PARP12: variants seen among roughly 807,000 people sequenced by gnomAD.
The protein encoded by PARP12 is protein mono-ADP-ribosyltransferase PARP12.
Under a neutral mutation model 72.4 loss-of-function variants are expected in PARP12, and 59 were observed. The observed-to-expected ratio is 0.81, with a 90% CI of 0.66 to 1.01. The LOEUF (loss-of-function observed/expected upper bound fraction) is 1.01, where lower values mean the gene tolerates loss of function less well. PARP12 is among the 50% of genes least tolerant of loss of function. The pLI, the probability that PARP12 is intolerant of heterozygous loss-of-function variation, is 0.00. For missense variants in PARP12, 851 were observed against 914.0 expected, an observed-to-expected ratio of 0.93 and a Z score of 0.89; for synonymous variants, 403 against 371.4, an observed-to-expected ratio of 1.09 and a Z score of -0.98.
intron 1 of PARP12, among the ~76,000 whole-genome samples, chr7:140,058,651 G>C (rs370983820): frequency 3.3e-5 from 5 of 152,288 alleles, no homozygotes; most frequent in African/African-American, 1.2e-4. Context: ...CTAGCCTCCA[G>C]AACTGTGACA....
rs369328541 is a variant in PARP12, at chr7:140,037,776, G to A, written c.1263C>T (p.Asp421=). 28 of 1,614,070 alleles carry A rather than the reference G, an allele frequency of 1.7e-5. No individual in the cohort carries two copies. Among genetic ancestry groups the A allele is most frequent in the African/African-American group, 8.0e-5 (6 of 74,940 alleles). ...AYLAYCTPGS[D]GQAATLKFQA... Reference sequence around the variant, plus strand: ...GGAACTTCAAGGTGGCTGCCTGGCCGTCAGACCCCGGTGTACAGTAGGCCA... The same window carrying A: ...GGAACTTCAAGGTGGCTGCCTGGCCATCAGACCCCGGTGTACAGTAGGCCA... Residue 421 remains aspartate (D), a synonymous_variant, in exon 7 of 12, where the codon GAC becomes GAT. Transcript: ENST00000263549.
chr7:140,028,608 C>G lies in PARP12; in HGVS notation c.1497+5G>C, dbSNP rs1428597899. ...TGTCCAGCCCCAGGCGCATGCGTCCCCTACCTGAAAGCCTGGGTCTGGCAG... is the reference window on the plus strand; with the variant it reads ...TGTCCAGCCCCAGGCGCATGCGTCCGCTACCTGAAAGCCTGGGTCTGGCAG... On this transcript the variant is annotated splice_donor_5th_base_variant and intron_variant, in intron 9 of 11. Coordinates refer to ENST00000263549, the MANE Select transcript of PARP12 (RefSeq NM_022750.4). The G allele has an allele frequency of 8.2e-6, 13 of 1,585,060 alleles. No homozygotes were observed. Among genetic ancestry groups the G allele is most frequent in the Non-Finnish European group, 1.1e-5 (13 of 1,164,522 alleles).
chr7:140,061,842 T>C (rs936371931), intron 1 of PARP12, among the ~76,000 whole-genome samples: 7 of 151,108 alleles, frequency 4.6e-5, no homozygotes, highest in Admixed American at 3.9e-4. Flanking sequence ...TGACCAAGAG[T>C]AAGGGGAGGA....
rs984096348 is a variant in PARP12, at chr7:140,027,513, C to T, written c.1498-107G>A. ...ACTAGAACCGCAGAAGCACAAAAGC[C>T]CAGAGAGCAGTGACCACATTCTCCT... On this transcript the variant is annotated intron_variant, in intron 9 of 11. Transcript: ENST00000263549. 14 of 1,405,314 alleles carry T rather than the reference C, an allele frequency of 1.0e-5. 1 individual carries two copies. In the South Asian group the frequency reaches 1.8e-4, roughly 18 times the overall value. 87.1% of individuals were successfully genotyped at this position (1,405,314 alleles called of 1,614,324 possible). A position where few individuals can be genotyped will look rare whatever the true frequency, so the allele number is the denominator to read the frequency against.
intron 4 of PARP12, among the ~76,000 whole-genome samples, chr7:140,052,344 A>T (rs866218858): frequency 8.5e-5 from 13 of 152,104 alleles, no homozygotes; most frequent in Admixed American, 1.3e-4. Context: ...AACAACATTA[A>T]TTTTTTTTCT....
intron 1 of PARP12, 48 bp downstream of exon 1, chr7:140,062,474 G>C: frequency 6.7e-7 from 1 of 1,493,138 alleles, no homozygotes; most frequent in Non-Finnish European, 8.9e-7. Flanking sequence ...AAGTGCGTGA[G>C]GGCGCGCAGG....
intron 4 of PARP12, among the ~76,000 whole-genome samples, chr7:140,048,062 G>A (rs975842186): frequency 1.3e-5 from 2 of 152,168 alleles, no homozygotes; most frequent in Admixed American, 6.5e-5. Flanking sequence ...GTGGCAGGTG[G>A]ACGGGCAGAG....
At chr7:140,051,679 C>T (rs1816968702) in intron 4 of PARP12, among the ~76,000 whole-genome samples, 2 of 152,118 alleles carry the variant, frequency 1.3e-5, no homozygotes, top group African/African-American at 4.8e-5. Flanking sequence ...GCATGAGCCA[C>T]CATGACCGAC....
In PARP12 at chr7:140,027,721, T is replaced by A. The variant is rs186141507; in HGVS notation, c.1498-315A>T. 5.2e-4 allele frequency: 113 copies of A among 217,606 alleles called. 2 individuals carry two copies. The East Asian group carries it at 9.5e-3, about 18-fold the overall frequency. 13.5% of individuals were successfully genotyped at this position (217,606 alleles called of 1,614,324 possible). A position where few individuals can be genotyped will look rare whatever the true frequency, so the allele number is the denominator to read the frequency against. Reference sequence around the variant, plus strand: ...TCAGTTTCCAAGAACCTACTGATGATGTTGAGGATTTACTATGTTTGCAAA... The same window carrying A: ...TCAGTTTCCAAGAACCTACTGATGAAGTTGAGGATTTACTATGTTTGCAAA... On this transcript the variant is annotated intron_variant, in intron 9 of 11. Coordinates refer to ENST00000263549, the MANE Select transcript of PARP12 (RefSeq NM_022750.4).
At position 140,034,291 on chromosome 7, in the gene PARP12, C is replaced by A. The variant is rs1816064523; in HGVS notation, c.1365G>T (p.Lys455Asn). ...QKNLVYGTTK[K>N]VCRRPKYVSP... ...ACACGTATTTGGGTCTGCGGCAAAC[C>A]TTTTTAGTTGTGCCATAGACCAGGT... Residue 455 changes from lysine (K) to asparagine (N), a missense_variant, in exon 8 of 12, where the codon AAG (lysine) becomes AAT (asparagine). Lys to Asn is a moderately conservative substitution (Grantham distance 94). Transcript: ENST00000263549. 3 of 1,612,938 alleles carry A rather than the reference C, an allele frequency of 1.9e-6. No individual in the cohort carries two copies. Among genetic ancestry groups the A allele is most frequent in the East Asian group, 4.5e-5 (2 of 44,848 alleles).
intron 1 of PARP12, among the ~76,000 whole-genome samples, chr7:140,059,192 T>A (rs574771829): frequency 5.3e-5 from 8 of 152,222 alleles, no homozygotes; most frequent in African/African-American, 1.9e-4. Flanking sequence ...AGATGGGGCC[T>A]TGCAAGGTCT....
At position 140,057,201 on chromosome 7, in the gene PARP12, G is replaced by A. The variant is rs536527612; in HGVS notation, c.463-48C>T. 29 of 1,548,006 alleles carry A rather than the reference G, an allele frequency of 1.9e-5. No individual in the cohort carries two copies. The South Asian group carries it at 2.8e-4, about 15-fold the overall frequency. ...CCACCAGTTCAGGAAGGTCTCACACGACACCACCTCCCCAGTGGCCAGTCC... is the reference window on the plus strand; with the variant it reads ...CCACCAGTTCAGGAAGGTCTCACACAACACCACCTCCCCAGTGGCCAGTCC... On this transcript the variant is annotated intron_variant, in intron 2 of 11. Transcript: ENST00000263549.
At position 140,041,823 on chromosome 7, in the gene PARP12, A is replaced by G; in HGVS notation, c.1003T>C (p.Ser335Pro). 1 of 1,613,604 alleles carries G rather than the reference A, an allele frequency of 6.2e-7. No homozygotes were observed. Among genetic ancestry groups the G allele is most frequent in the East Asian group, 2.2e-5 (1 of 44,878 alleles). Reference sequence around the variant, plus strand: ...CAATGAGAGTGAAAGGTACTGGCTGACTCAGAGCACAGGATCCTACAGAAG... The same window carrying G: ...CAATGAGAGTGAAAGGTACTGGCTGGCTCAGAGCACAGGATCCTACAGAAG... ...PKIERILCSESASTFHSHCLN... is the reference protein window; with the variant it reads ...PKIERILCSEPASTFHSHCLN... The change falls in exon 6 of 12, where the codon TCA (serine) becomes CCA (proline). Residue 335 changes from serine to proline, a missense_variant. Ser to Pro is a moderately conservative substitution (Grantham distance 74). Transcript: ENST00000263549.
At chr7:140,037,665 C>A in intron 7 of PARP12, 50 bp downstream of exon 7, 2 of 1,603,222 alleles carry the variant, frequency 1.2e-6, no homozygotes. Flanking sequence ...GGTGTAGGGA[C>A]AGAGCCAACA....
In PARP12 at chr7:140,058,112, G is replaced by A. The variant is rs112681522; in HGVS notation, c.327-78C>T. ...TCTATGTTGGAGTCCTAACTCCCAC[G>A]ACCTCAGGATATGGCTCTATTTGGA... On this transcript the variant is annotated intron_variant, in intron 1 of 11. Transcript: ENST00000263549. 2.9e-4 allele frequency: 423 copies of A among 1,478,256 alleles called. 1 individual carries two copies. The African/African-American group carries it at 4.7e-3, about 16-fold the overall frequency. 91.6% of individuals were successfully genotyped at this position (1,478,256 alleles called of 1,614,324 possible).
intron 5 of PARP12, among the ~76,000 whole-genome samples, chr7:140,045,304 A>G (rs1816670801): frequency 1.3e-5 from 2 of 152,194 alleles, no homozygotes; most frequent in East Asian, 1.9e-4. Flanking sequence ...AAGCACTGGG[A>G]TAACAGGTAT....
chr7:140,028,531 T>G, intron 9 of PARP12, 82 bp downstream of exon 9: 3 of 1,234,044 alleles, frequency 2.4e-6, no homozygotes, highest in Non-Finnish European at 3.3e-6. Context: ...TCTTCAGTGT[T>G]GAGGAATGGC....
In PARP12 at chr7:140,062,701, G is replaced by T; in HGVS notation, c.147C>A (p.Phe49Leu). 7.6e-7 allele frequency: 1 copy of T among 1,317,780 alleles called. No individual in the cohort carries two copies. The highest frequency in any genetic ancestry group is 9.7e-7 in the Non-Finnish European group (1 of 1,029,554). The allele number at this position is 1,317,780 out of a possible 1,614,324, so 81.6% of individuals were successfully genotyped here. A position where few individuals can be genotyped will look rare whatever the true frequency, so the allele number is the denominator to read the frequency against. ...CGCCGCCCGCCCGCACCGCCACCAC[G>T]AAGCGCCCACGCTGCCGCAGCAGCC... The part of the protein sequence containing the change: ...LERLLRQRGR[F>L]VVAVRAGGAA... Residue 49 changes from phenylalanine (F) to leucine (L), a missense_variant, in exon 1 of 12, where the codon TTC becomes TTA. By Grantham distance (22) the Phe-to-Leu change is conservative. Around this residue, in one of 3 missense-constraint regions of PARP12, gnomAD observed 492 missense variants for 489.3 expected, o/e 1.01. Transcript: ENST00000263549.
intron 1 of PARP12, among the ~76,000 whole-genome samples, chr7:140,061,802 G>A (rs1585121472): frequency 6.6e-6 from 1 of 152,128 alleles, no homozygotes; most frequent in Non-Finnish European, 1.5e-5. Context: ...CTGGCAGCTG[G>A]GTGCCATGAG....
Sources: gnomAD v4.1 joint callset for allele counts (sites outside exome capture counted in the v4.1 genomes callset) on GRCh38, gnomAD v4.1.1 for gene constraint, gnomAD v4.1.1 regional missense constraint, MANE v1.5 for transcripts, NCBI Gene and HGNC (gene_info 2026-07-23, HGNC 2026-07-21) for gene names.